CCSER1: variants seen among roughly 807,000 people sequenced by gnomAD.
CCSER1 encodes the protein coiled-coil serine rich protein 1.
In CCSER1, 41 loss-of-function variants were observed where a neutral mutation model predicts 82.0. The observed-to-expected ratio is 0.50, with a 90% CI of 0.39 to 0.65. The LOEUF (loss-of-function observed/expected upper bound fraction) is 0.65, where lower values mean the gene tolerates loss of function less well. Among genes scored for constraint, CCSER1 ranks in the 30% least tolerant of loss-of-function variants. The pLI is 0.00. For synonymous variants in CCSER1, 414 were observed against 383.9 expected (o/e 1.08, Z -0.92); for missense variants, 1,119 against 1,064.2 (o/e 1.05, Z -0.72).
intron 10 of CCSER1, among the ~76,000 whole-genome samples, chr4:91,154,583 A>G (rs956361299): frequency 6.6e-6 from 1 of 151,986 alleles, no homozygotes; most frequent in Non-Finnish European, 1.5e-5. Flanking sequence ...CCTCAGTTGA[A>G]AATGCAGGAA....
chr4:91,183,465 G>C (rs1364051887), intron 10 of CCSER1, among the ~76,000 whole-genome samples: 1 of 152,158 alleles, frequency 6.6e-6, no homozygotes, highest in Non-Finnish European at 1.5e-5. Context: ...AACTGAAACA[G>C]CTTCGTTTTA....
intron 5 of CCSER1, among the ~76,000 whole-genome samples, chr4:90,526,260 C>T (rs1258092503): frequency 1.3e-5 from 2 of 152,114 alleles, no homozygotes; most frequent in Non-Finnish European, 2.9e-5. Flanking sequence ...ACCACCTAAA[C>T]CAATTTCGCT....
intron 6 of CCSER1, among the ~76,000 whole-genome samples, chr4:90,720,082 C>T (rs1013303873): frequency 6.6e-6 from 1 of 151,878 alleles, no homozygotes; most frequent in African/African-American, 2.4e-5. Flanking sequence ...TCGAATTGTT[C>T]CAGCTTTGGC....
In CCSER1 at chr4:90,932,972, A is replaced by AGAG. The variant is rs1347297251; in HGVS notation, c.2172+9525_2172+9526insGAG. Among the ~76,000 whole-genome samples, 3 of 40,104 alleles carry AGAG rather than the reference A, an allele frequency of 7.5e-5. 1 individual carries two copies. The highest frequency in any genetic ancestry group is 1.8e-4 in the African/African-American group (1 of 5,614). 26.3% of individuals were successfully genotyped at this position (40,104 alleles called of 152,430 possible). A position where few individuals can be genotyped will look rare whatever the true frequency, so the allele number is the denominator to read the frequency against. ...AAAGAAAGAAAGAAAGAAAGAAAGA[A>AGAG]AGAAAGAAAGAGAAAGAAAGAAAGA... On this transcript the variant is annotated intron_variant, in intron 9 of 10. Coordinates refer to ENST00000509176, the MANE Select transcript of CCSER1 (RefSeq NM_001145065.2).
rs573093165 is a variant in CCSER1 at position 90,799,910 on chromosome 4, C to G, written c.2011-15852C>G. Among the ~76,000 whole-genome samples, 11 of 152,310 alleles carry G rather than the reference C, an allele frequency of 7.2e-5. No individual in the cohort carries two copies. In the East Asian group the frequency reaches 1.9e-3, roughly 27 times the overall value. On this transcript the variant is annotated intron_variant, in intron 7 of 10. Transcript: ENST00000509176. ...AGAGGCCCATGGTGAGAGCAGACTGCCCCTTGCCAGTTCAACTGACCCATT... is the reference window on the plus strand; with the variant it reads ...AGAGGCCCATGGTGAGAGCAGACTGGCCCTTGCCAGTTCAACTGACCCATT...
chr4:91,051,683 G>A (rs11729261), intron 9 of CCSER1, among the ~76,000 whole-genome samples: 4 of 152,014 alleles, frequency 2.6e-5, no homozygotes, highest in Non-Finnish European at 4.4e-5. Context: ...AAGGAAGCAG[G>A]CACACAGGCA....
intron 9 of CCSER1, among the ~76,000 whole-genome samples, chr4:90,946,537 A>G (rs1405247566): frequency 6.6e-6 from 1 of 151,594 alleles, no homozygotes; most frequent in African/African-American, 2.4e-5. Flanking sequence ...AGGCGGAGGT[A>G]GGAGACTCTG....
rs185077959 is a variant in CCSER1, at chr4:91,549,119, G to A, written c.2218-49453G>A. On this transcript the variant is annotated intron_variant, in intron 10 of 10. Transcript: ENST00000509176. The stretch of plus-strand genomic sequence containing the variant: ...TTATTCTCCTATTCACATGCTCAGA[G>A]ATTCTTTTCTTAGCCATGTATAGTC... Among the ~76,000 whole-genome samples, 562 of 152,034 alleles carry A rather than the reference G, an allele frequency of 3.7e-3. 1 individual carries two copies. The highest frequency in any genetic ancestry group is 0.013 in the African/African-American group (532 of 41,494).
chr4:90,141,020 A>ATATCTATCTATCTATCTATC (rs60163485), intron 1 of CCSER1, among the ~76,000 whole-genome samples: 4,065 of 145,938 alleles, frequency 0.028, 71 homozygotes, highest in East Asian at 0.055. Flanking sequence ...ACCCAGCAAG[A>ATATCTATCTATCTATCTATC]TATCTATCTA....
chr4:90,690,159 G>A lies in CCSER1; in HGVS notation c.1933-33755G>A, dbSNP rs564731571. On this transcript the variant is annotated intron_variant, in intron 6 of 10. Coordinates refer to ENST00000509176, the MANE Select transcript of CCSER1 (RefSeq NM_001145065.2). ...AGTCCTGTCAGAAATTCATGTTCTG[G>A]AAGGGGTGCTAAGCCTTAAAAATAT... Among the ~76,000 whole-genome samples the A allele has an allele frequency of 2.5e-4, 38 of 152,128 alleles. 2 individuals are homozygous for A. The South Asian group carries it at 6.6e-3, about 27-fold the overall frequency.
chr4:90,647,384 C>T (rs927818774), intron 6 of CCSER1, among the ~76,000 whole-genome samples: 10 of 152,114 alleles, frequency 6.6e-5, no homozygotes, highest in Admixed American at 1.3e-4. Context: ...AGCACGTTAA[C>T]CGCTTTTACA....
At chr4:90,479,863 A>T (rs768436028) in intron 5 of CCSER1, among the ~76,000 whole-genome samples, 16 of 152,246 alleles carry the variant, frequency 1.1e-4, no homozygotes, top group Non-Finnish European at 2.4e-4. Flanking sequence ...TTATAGCAGC[A>T]TGATTTATAA....
intron 10 of CCSER1, among the ~76,000 whole-genome samples, chr4:91,151,921 G>C (rs758063406): frequency 1.3e-5 from 2 of 152,218 alleles, no homozygotes; most frequent in Non-Finnish European, 2.9e-5. Flanking sequence ...GAATAAGTGT[G>C]ATGTGGTGCT....
chr4:91,054,207 C>A (rs1743242242), intron 9 of CCSER1, among the ~76,000 whole-genome samples: 2 of 152,190 alleles, frequency 1.3e-5, no homozygotes. Context: ...TCCGCAATCA[C>A]AGCTTCACAT....
chr4:91,084,939 A>G (rs1396685177), intron 9 of CCSER1, among the ~76,000 whole-genome samples: 1 of 152,056 alleles, frequency 6.6e-6, no homozygotes, highest in Non-Finnish European at 1.5e-5. Context: ...CCAAATGAAA[A>G]AAAAGTTATC....
In CCSER1 at chr4:91,460,440, G is replaced by C. The variant is rs143529606; in HGVS notation, c.2218-138132G>C. On this transcript the variant is annotated intron_variant, in intron 10 of 10. Coordinates refer to ENST00000509176, the MANE Select transcript of CCSER1 (RefSeq NM_001145065.2). ...CGTTCTACTGGTCAAAATTCAGTCC[G>C]ATGGCTCTAACGATATGCCACAAAG... is the stretch of plus-strand genomic sequence containing the variant. Among the ~76,000 whole-genome samples the C allele has an allele frequency of 3.9e-5, 6 of 152,158 alleles. No homozygotes were observed. The East Asian group carries it at 9.7e-4, about 25-fold the overall frequency.
chr4:90,324,070 G>T (rs1285304417), intron 3 of CCSER1, among the ~76,000 whole-genome samples: 1 of 152,090 alleles, frequency 6.6e-6, no homozygotes, highest in African/African-American at 2.4e-5. Context: ...AGTCTATCAT[G>T]GTTGGACATT....
intron 10 of CCSER1, among the ~76,000 whole-genome samples, chr4:91,101,485 A>C (rs970517264): frequency 6.6e-6 from 1 of 152,174 alleles, no homozygotes; most frequent in African/African-American, 2.4e-5. Flanking sequence ...AAATACAAAA[A>C]TTAGCTGGGC....
intron 10 of CCSER1, among the ~76,000 whole-genome samples, chr4:91,420,262 C>G (rs985038058): frequency 6.6e-6 from 1 of 152,016 alleles, no homozygotes; most frequent in Non-Finnish European, 1.5e-5. Context: ...ATGCAACCTA[C>G]AGAACAGGAG....
Sources: allele counts gnomAD v4.1 joint callset (sites outside exome capture counted in the v4.1 genomes callset), GRCh38; gene constraint gnomAD v4.1.1; transcripts MANE v1.5; gene names NCBI Gene and HGNC (gene_info 2026-07-23, HGNC 2026-07-21).